GNAI2: variants seen among roughly 807,000 people sequenced by gnomAD.
GNAI2 encodes the protein guanine nucleotide-binding protein G(i) subunit alpha-2.
A neutral mutation model predicts 36.8 loss-of-function variants in GNAI2; 4 were observed. That is an observed-to-expected ratio of 0.11 (90% CI 0.05 to 0.25). The LOEUF is 0.25. Among genes scored for constraint, GNAI2 ranks in the 10% least tolerant of loss-of-function variants. GNAI2 has a pLI of 1.00. For missense variants in GNAI2, 230 were observed against 481.3 expected, an observed-to-expected ratio of 0.48 and a Z score of 4.89; for synonymous variants, 194 against 194.1, an observed-to-expected ratio of 1.00 and a Z score of 0.01.
At chr3:50,247,977 G>A (rs1575447890) in intron 1 of GNAI2, among the ~76,000 whole-genome samples, 1 of 152,262 alleles carries the variant, frequency 6.6e-6, no homozygotes. Flanking sequence ...GCTCACGCCT[G>A]TAATCCCAGC....
Position 50,259,345 on chromosome 3 carries a change from G to C in GNAI2, c.*1002G>C, listed in dbSNP as rs755622250. On this transcript the variant is annotated 3_prime_UTR_variant, in exon 9 of 9. Coordinates refer to ENST00000313601, the MANE Select transcript of GNAI2 (RefSeq NM_002070.4). Reference sequence around the variant, plus strand: ...GGTTTGAAATAATAAAATGTAGAAAGAAAAAAAATACCGAGAACTGATGGG... The same window carrying C: ...GGTTTGAAATAATAAAATGTAGAAACAAAAAAAATACCGAGAACTGATGGG... 1 of 160,690 alleles carries C rather than the reference G, an allele frequency of 6.2e-6. No homozygotes were observed. Among genetic ancestry groups the C allele is most frequent in the Admixed American group, 6.2e-5 (1 of 16,198 alleles). The allele number at this position is 160,690 out of a possible 1,614,324, so 10.0% of individuals were successfully genotyped here. A position where few individuals can be genotyped will look rare whatever the true frequency, so the allele number is the denominator to read the frequency against.
rs1371266586 is a variant in GNAI2, at chr3:50,253,837, G to GGT, written c.464+654_464+655dup. Among the ~76,000 whole-genome samples, 125 of 152,332 alleles carry GGT rather than the reference G, an allele frequency of 8.2e-4. No individual in the cohort carries two copies. Among genetic ancestry groups the GGT allele is most frequent in the African/African-American group, 2.9e-3 (121 of 41,560 alleles). On this transcript the variant is annotated intron_variant, in intron 4 of 8. Transcript: ENST00000313601. The surrounding 1 kb of genome is among the most constrained non-coding windows in gnomAD (Gnocchi z 4.2). ...TGACAATTTAGGGTGTTAGTGAAAA[G>GGT]GTAGAGGTGGAGTTGGCCCAGAGAC...
intron 1 of GNAI2, chr3:50,251,602 C>T (rs781858070): frequency 1.2e-5 from 15 of 1,248,706 alleles, no homozygotes; most frequent in African/African-American, 6.2e-5. Flanking sequence ...TGAAGTGTGA[C>T]GCTGTGCTCC....
At chr3:50,237,561 C>T (rs1700204471) in intron 1 of GNAI2, among the ~76,000 whole-genome samples, 2 of 151,428 alleles carry the variant, frequency 1.3e-5, no homozygotes, top group South Asian at 4.2e-4. Flanking sequence ...AGTTGGGGGG[C>T]TTGTTGGATC....
chr3:50,235,860 C>T (rs782739102), upstream of GNAI2: 1 of 152,450 alleles, frequency 6.6e-6, no homozygotes, highest in African/African-American at 2.4e-5. Flanking sequence ...TCCCCACCCT[C>T]GGGTTAACAG....
intron 1 of GNAI2, among the ~76,000 whole-genome samples, chr3:50,239,336 TA>T (rs1258498834): frequency 6.6e-6 from 1 of 152,202 alleles, no homozygotes; most frequent in Non-Finnish European, 1.5e-5. Context: ...GATTGTTCTT[TA>T]AAACTTTACT....
chr3:50,241,104 G>C lies in GNAI2; in HGVS notation c.118+4651G>C, dbSNP rs1224710550. Reference sequence around the variant, plus strand: ...GGAGCCCAAGGCGTGCAGATAGTTGGTGCCAGCAGGAGTGACAGACTGCCC... The same window carrying C: ...GGAGCCCAAGGCGTGCAGATAGTTGCTGCCAGCAGGAGTGACAGACTGCCC... On this transcript the variant is annotated intron_variant, in intron 1 of 8. Coordinates refer to ENST00000313601, the MANE Select transcript of GNAI2 (RefSeq NM_002070.4). This position sits in a 1 kb window ranked among gnomAD's most constrained non-coding sequence, Gnocchi z 5.0. 6.6e-6 allele frequency among the ~76,000 whole-genome samples: 1 copy of C among 152,110 alleles called. No individual in the cohort carries two copies. The highest frequency in any genetic ancestry group is 1.5e-5 in the Non-Finnish European group (1 of 68,020).
At position 50,236,279 on chromosome 3, in the gene GNAI2, G is replaced by A. The variant is rs1559764325; in HGVS notation, c.-57G>A. 1.8e-5 allele frequency: 22 copies of A among 1,246,228 alleles called. No homozygotes were observed. The highest frequency in any genetic ancestry group is 2.0e-5 in the Non-Finnish European group (20 of 995,018). The allele number at this position is 1,246,228 out of a possible 1,614,324, so 77.2% of individuals were successfully genotyped here. On this transcript the variant is annotated 5_prime_UTR_variant, in exon 1 of 9. Coordinates refer to ENST00000313601, the MANE Select transcript of GNAI2 (RefSeq NM_002070.4). The surrounding 1 kb of genome is among the most constrained non-coding windows in gnomAD (Gnocchi z 4.0). ...GGAGCGGAGTGGGTCGGGCGGGGCC[G>A]AGCCGGGCCGTGGGCCGTGTGGGGG...
chr3:50,256,822 T>C lies in GNAI2; in HGVS notation c.693T>C (p.Tyr231=), dbSNP rs927022731. ...TCTTCTGCGTAGCCTTGAGCGCCTA[T>C]GACTTGGTGCTAGCTGAGGACGAGG... ...AIIFCVALSA[Y]DLVLAEDEEM... The change falls in exon 6 of 9, where the codon TAT becomes TAC. Residue 231 remains tyrosine, a synonymous_variant. Coordinates refer to ENST00000313601, the MANE Select transcript of GNAI2 (RefSeq NM_002070.4). The C allele has an allele frequency of 4.0e-5, 65 of 1,614,034 alleles. No homozygotes were observed. Among genetic ancestry groups the C allele is most frequent in the Non-Finnish European group, 5.3e-5 (62 of 1,180,004 alleles).
In GNAI2 at chr3:50,253,222, G is replaced by T. The variant is rs1700609342; in HGVS notation, c.464+38G>T. On this transcript the variant is annotated intron_variant, in intron 4 of 8. Transcript: ENST00000313601. This position sits in a 1 kb window ranked among gnomAD's most constrained non-coding sequence, Gnocchi z 4.2. ...AGGGGCTGGGCAGGGCAGGGCAGGG[G>T]CTGGGGGAGGACTAAAGGCTGGACC... is the stretch of plus-strand genomic sequence containing the variant. 3 of 1,549,446 alleles carry T rather than the reference G, an allele frequency of 1.9e-6. No homozygotes were observed. Among genetic ancestry groups the T allele is most frequent in the East Asian group, 2.3e-5 (1 of 43,992 alleles).
chr3:50,232,827 G>C (rs1292511061), upstream of GNAI2, among the ~76,000 whole-genome samples: 1 of 151,954 alleles, frequency 6.6e-6, no homozygotes, highest in African/African-American at 2.4e-5. Context: ...AGGGGAAATT[G>C]AGGTAGGGAA....
At chr3:50,256,647 T>A in intron 5 of GNAI2, 76 bp from the exon 6 acceptor site, 1 of 1,527,230 alleles carries the variant, frequency 6.5e-7, no homozygotes, top group Non-Finnish European at 9.0e-7. Context: ...CTGTCCTCAG[T>A]CAGCCAACCT....
In GNAI2 at chr3:50,253,261, A is replaced by C; in HGVS notation, c.464+77A>C. 5.2e-6 allele frequency: 6 copies of C among 1,143,908 alleles called. No individual in the cohort carries two copies. Among genetic ancestry groups the C allele is most frequent in the Non-Finnish European group, 7.4e-6 (6 of 812,644 alleles). 70.9% of individuals were successfully genotyped at this position (1,143,908 alleles called of 1,614,324 possible). On this transcript the variant is annotated intron_variant, in intron 4 of 8. Coordinates refer to ENST00000313601, the MANE Select transcript of GNAI2 (RefSeq NM_002070.4). The surrounding 1 kb of genome is among the most constrained non-coding windows in gnomAD (Gnocchi z 4.2). ...AAAGGCTGGACCGGAGGGCCTGAGA[A>C]CCCCCAGAAGGACACTGCTGGTCTT...
chr3:50,239,176 G>C (rs184954510), intron 1 of GNAI2, among the ~76,000 whole-genome samples: 9 of 152,206 alleles, frequency 5.9e-5, no homozygotes, highest in African/African-American at 1.4e-4. Context: ...TGTATGTGAG[G>C]GGGGAGAGTC....
At position 50,252,199 on chromosome 3, in the gene GNAI2, T is replaced by C; in HGVS notation, c.161+57T>C. Reference sequence around the variant, plus strand: ...ACTCCAGCTTCCCCTCTTCACCCTCTGGGCCTGCACTGCCCCCGACTACAG... The same window carrying C: ...ACTCCAGCTTCCCCTCTTCACCCTCCGGGCCTGCACTGCCCCCGACTACAG... On this transcript the variant is annotated intron_variant, in intron 2 of 8. Transcript: ENST00000313601. The surrounding 1 kb of genome is among the most constrained non-coding windows in gnomAD (Gnocchi z 4.1). The C allele has an allele frequency of 6.4e-7, 1 of 1,554,744 alleles. No individual in the cohort carries two copies. Among genetic ancestry groups the C allele is most frequent in the Non-Finnish European group, 8.9e-7 (1 of 1,129,170 alleles).
intron 1 of GNAI2, among the ~76,000 whole-genome samples, chr3:50,245,405 G>A (rs1416232352): frequency 6.6e-6 from 1 of 152,220 alleles, no homozygotes; most frequent in Non-Finnish European, 1.5e-5. Context: ...GGCTACTCAG[G>A]GCAGGCCTTG....
At chr3:50,230,651 G>A (rs587747203), upstream of GNAI2, 51 of 212,368 alleles carry the variant, frequency 2.4e-4, 1 homozygote, top group East Asian at 7.9e-3. Context: ...TGTGCTGCCT[G>A]TGGTGAGCCC....
upstream of GNAI2, among the ~76,000 whole-genome samples, chr3:50,234,046 C>T (rs587732684): frequency 8.0e-4 from 120 of 149,768 alleles, no homozygotes; most frequent in Middle Eastern, 3.5e-3. Flanking sequence ...CAGGCACGTG[C>T]CACCACGCCC....
Position 50,242,468 on chromosome 3 carries a change from G to A in GNAI2, c.118+6015G>A, listed in dbSNP as rs1700319837. ...TGCAAGGTGCTTTGGGGAAGGCAAA[G>A]GATTGGGCCCTTTGATGGTGTCCCT... On this transcript the variant is annotated intron_variant, in intron 1 of 8. Transcript: ENST00000313601. The surrounding 1 kb of genome is among the most constrained non-coding windows in gnomAD (Gnocchi z 4.8). Among the ~76,000 whole-genome samples, 1 of 152,186 alleles carries A rather than the reference G, an allele frequency of 6.6e-6. No homozygotes were observed.
Sources: allele counts gnomAD v4.1 joint callset (sites outside exome capture counted in the v4.1 genomes callset), GRCh38; gene constraint gnomAD v4.1.1; non-coding constraint Gnocchi (gnomAD v3.1); transcripts MANE v1.5; gene names NCBI Gene and HGNC (gene_info 2026-07-23, HGNC 2026-07-21).